HDAC5: variants seen among roughly 807,000 people sequenced by gnomAD.
HDAC5 encodes the protein antigen NY-CO-9.
HDAC5 carries 25 observed loss-of-function variants against 133.3 expected under a neutral mutation model. The ratio of observed to expected loss-of-function variants is 0.19; its 90% confidence interval spans 0.14 to 0.26. HDAC5 has a LOEUF of 0.26. Among genes scored for constraint, HDAC5 ranks in the 10% least tolerant of loss-of-function variants. The pLI is 1.00. For missense variants in HDAC5, 1,041 were observed against 1,460.5 expected (o/e 0.71, Z 4.68); for synonymous variants, 589 against 610.8 (o/e 0.96, Z 0.53).
At chr17:44,121,796 G>A (rs2053022186) in intron 1 of HDAC5, among the ~76,000 whole-genome samples, 1 of 152,088 alleles carries the variant, frequency 6.6e-6, no homozygotes, top group Admixed American at 6.5e-5. Flanking sequence ...CAAAGTAGGA[G>A]GATATATTGG....
intron 3 of HDAC5, among the ~76,000 whole-genome samples, chr17:44,097,609 G>A (rs1222749424): frequency 6.6e-6 from 1 of 152,238 alleles, no homozygotes; most frequent in Non-Finnish European, 1.5e-5. Flanking sequence ...TGGCCGGAGG[G>A]TTATCTGTTC....
intron 25 of HDAC5, 50 bp downstream of exon 25, chr17:44,078,745 A>G (rs774067144): frequency 1.9e-6 from 3 of 1,611,414 alleles, no homozygotes; most frequent in South Asian, 2.2e-5. Context: ...TGCTCCCACA[A>G]GCTCCGTGCC....
At position 44,116,912 on chromosome 17, in the gene HDAC5, C is replaced by T. The variant is rs75810599; in HGVS notation, c.22+582G>A. On this transcript the variant is annotated intron_variant, in intron 2 of 26. Transcript: ENST00000682912. ...TTAGCAATCTACCATATGAAGGGCC[C>T]AAGAGGAAGAGAGGCAGTCTACCTG... is the stretch of plus-strand genomic sequence containing the variant. Among the ~76,000 whole-genome samples the T allele has an allele frequency of 5.9e-3, 896 of 152,158 alleles. 13 individuals are homozygous for T. The East Asian group carries it at 0.064, about 11-fold the overall frequency.
chr17:44,085,673 T>C (rs910140438), intron 14 of HDAC5, among the ~76,000 whole-genome samples: 10 of 152,080 alleles, frequency 6.6e-5, no homozygotes, highest in Admixed American at 6.5e-5. Flanking sequence ...GGCTAATTTT[T>C]GTATTTTTAG....
intron 2 of HDAC5, among the ~76,000 whole-genome samples, chr17:44,112,390 CCACTGGTA>C (rs1296045335): frequency 6.6e-6 from 1 of 152,138 alleles, no homozygotes; most frequent in East Asian, 1.9e-4. Context: ...GTTGTGCCTC[CCACTGGTA>C]CAAAGATCCC....
rs535006178 is a variant in HDAC5 at position 44,117,361 on chromosome 17, T to G, written c.22+133A>C. The stretch of plus-strand genomic sequence containing the variant: ...CCTCATGGGCCCTTTCTTGCAACAC[T>G]TCTCCACTCCTTACCCCCTCATTCC... On this transcript the variant is annotated intron_variant, in intron 2 of 26. Coordinates refer to ENST00000682912, the MANE Select transcript of HDAC5 (RefSeq NM_005474.5). The surrounding 1 kb of genome is among the most constrained non-coding windows in gnomAD (Gnocchi z 4.2). The G allele has an allele frequency of 3.0e-6, 3 of 1,009,970 alleles. No individual in the cohort carries two copies. The African/African-American group carries it at 4.7e-5, about 16-fold the overall frequency. The allele number at this position is 1,009,970 out of a possible 1,614,324, so 62.6% of individuals were successfully genotyped here.
At chr17:44,120,270 C>A (rs1255265536) in intron 1 of HDAC5, among the ~76,000 whole-genome samples, 1 of 152,178 alleles carries the variant, frequency 6.6e-6, no homozygotes, top group South Asian at 2.1e-4. Context: ...AGTCAGGTGT[C>A]CCTTGAAGAC....
Position 44,086,742 on chromosome 17 carries a change from A to C in HDAC5, c.1885-5T>G. 7.7e-7 allele frequency: 1 copy of C among 1,292,444 alleles called. No homozygotes were observed. The allele number at this position is 1,292,444 out of a possible 1,614,324, so 80.1% of individuals were successfully genotyped here. Reference sequence around the variant, plus strand: ...CGGCTGGGCATCTGAGAACAGCTGGAGGGGAGAATGGGAGGGGGCCTGGGT... The same window carrying C: ...CGGCTGGGCATCTGAGAACAGCTGGCGGGGAGAATGGGAGGGGGCCTGGGT... On this transcript the variant is annotated splice_region_variant and splice_polypyrimidine_tract_variant and intron_variant, in intron 13 of 26. Coordinates refer to ENST00000682912, the MANE Select transcript of HDAC5 (RefSeq NM_005474.5).
intron 13 of HDAC5, among the ~76,000 whole-genome samples, chr17:44,087,028 C>A (rs1345625011): frequency 6.6e-6 from 1 of 151,428 alleles, no homozygotes; most frequent in Non-Finnish European, 1.5e-5. Flanking sequence ...CCGGAGGGCT[C>A]GGCTGTGTCC....
chr17:44,123,261 G>C (rs1212560573), intron 1 of HDAC5: 1 of 304,272 alleles, frequency 3.3e-6, no homozygotes, highest in African/African-American at 2.2e-5. Context: ...TACCTGTAGG[G>C]AAGGCGCCCC....
intron 19 of HDAC5, 36 bp downstream of exon 19, chr17:44,082,729 A>G: frequency 6.2e-7 from 1 of 1,607,338 alleles, no homozygotes; most frequent in East Asian, 2.2e-5. Context: ...TGCAAGAGAC[A>G]GGAAGGGGCG....
chr17:44,086,073 G>T lies in HDAC5; in HGVS notation c.2050+499C>A, dbSNP rs1437921757. On this transcript the variant is annotated intron_variant, in intron 14 of 26. Coordinates refer to ENST00000682912, the MANE Select transcript of HDAC5 (RefSeq NM_005474.5). ...GGACACTCGCATGAGTCTCATCTCT[G>T]CCAGCTGTGCCTCCTCAGCTGCACC... 2.6e-5 allele frequency among the ~76,000 whole-genome samples: 4 copies of T among 152,222 alleles called. No individual in the cohort carries two copies. The South Asian group carries it at 8.3e-4, about 32-fold the overall frequency.
Position 44,092,479 on chromosome 17 carries a change from G to T in HDAC5, c.821C>A (p.Ala274Asp), listed in dbSNP as rs1183658398. Residue 274 changes from alanine (A) to aspartate (D), a missense_variant, in exon 8 of 27, where the codon GCT becomes GAT. Ala to Asp is a moderately radical substitution (Grantham distance 126, BLOSUM62 -2). Transcript: ENST00000682912. Reference protein sequence around the residue: ...KVRSRLKQKVAERRSSPLLRR... With the variant: ...KVRSRLKQKVDERRSSPLLRR... ...CAGGAGGGGACTGCTTCTCCGCTCA[G>T]CCACCTTCTGTTTTAGCCTTGAACG... 6.2e-7 allele frequency: 1 copy of T among 1,613,968 alleles called. No individual in the cohort carries two copies. Among genetic ancestry groups the T allele is most frequent in the Non-Finnish European group, 8.5e-7 (1 of 1,179,964 alleles).
intron 3 of HDAC5, among the ~76,000 whole-genome samples, chr17:44,097,723 T>TTC (rs1160489335): frequency 6.6e-6 from 1 of 152,266 alleles, no homozygotes; most frequent in East Asian, 1.9e-4. Context: ...AGGAGCCAGA[T>TTC]TCCAGCCTGC....
intron 2 of HDAC5, among the ~76,000 whole-genome samples, chr17:44,112,061 AG>A (rs1211992487): frequency 6.6e-6 from 1 of 152,124 alleles, no homozygotes; most frequent in Non-Finnish European, 1.5e-5. Context: ...CACTCACCCT[AG>A]GTCATAAAGC....
intron 17 of HDAC5, 55 bp downstream of exon 17, chr17:44,083,750 G>A: frequency 1.9e-6 from 3 of 1,587,866 alleles, no homozygotes; most frequent in Non-Finnish European, 2.6e-6. Context: ...AGGCAGGGAA[G>A]AGACAGACCT....
chr17:44,088,534 T>A lies in HDAC5; in HGVS notation c.1452A>T (p.Val484=). Residue 484 remains valine, a synonymous_variant, in exon 12 of 27, where the codon GTA becomes GTT. Coordinates refer to ENST00000682912, the MANE Select transcript of HDAC5 (RefSeq NM_005474.5). ...GERVATSMRT[V]GKLPRHRPLS... ...GGGGCCGATGCCGCGGGAGCTTGCCTACCGTCCGCATGCTGGTGGCCACAC... is the reference window on the plus strand; with the variant it reads ...GGGGCCGATGCCGCGGGAGCTTGCCAACCGTCCGCATGCTGGTGGCCACAC... 3 of 1,613,496 alleles carry A rather than the reference T, an allele frequency of 1.9e-6. No individual in the cohort carries two copies. Among genetic ancestry groups the A allele is most frequent in the Non-Finnish European group, 2.5e-6 (3 of 1,179,970 alleles).
chr17:44,113,783 G>A (rs1039069632), intron 2 of HDAC5, among the ~76,000 whole-genome samples: 1 of 152,206 alleles, frequency 6.6e-6, no homozygotes, highest in Non-Finnish European at 1.5e-5. Context: ...TCCATTTCCT[G>A]AGCCCAAAGG....
intron 3 of HDAC5, among the ~76,000 whole-genome samples, chr17:44,096,630 C>T (rs562208729): frequency 2.7e-4 from 41 of 150,846 alleles, no homozygotes; most frequent in African/African-American, 8.3e-4. Flanking sequence ...CCCGCCACCA[C>T]GCTCAGCTAA....
Sources: allele counts gnomAD v4.1 joint callset (sites outside exome capture counted in the v4.1 genomes callset), GRCh38; gene constraint gnomAD v4.1.1; non-coding constraint Gnocchi (gnomAD v3.1); transcripts MANE v1.5; gene names NCBI Gene and HGNC (gene_info 2026-07-23, HGNC 2026-07-21).